Variants in FRMD4A observed in about 807,000 individuals in gnomAD.
FRMD4A encodes FERM domain-containing protein 4A.
In FRMD4A, 29 loss-of-function variants were observed where a neutral mutation model predicts 129.1. That is an observed-to-expected ratio of 0.22 (90% confidence interval 0.17 to 0.31). The LOEUF is 0.31. FRMD4A is among the 10% of genes least tolerant of loss of function. The pLI is 1.00. For missense variants in FRMD4A, 1,272 were observed against 1,375.8 expected, an observed-to-expected ratio of 0.92 and a Z score of 1.19; for synonymous variants, 634 against 571.6, an observed-to-expected ratio of 1.11 and a Z score of -1.56.
intron 2 of FRMD4A, among the ~76,000 whole-genome samples, chr10:13,924,096 A>C (rs138692995): frequency 6.6e-6 from 1 of 152,208 alleles, no homozygotes. Context: ...TAAGATCTTG[A>C]AGCTGTTATT....
chr10:14,256,848 A>G (rs1055068130), intron 2 of FRMD4A, among the ~76,000 whole-genome samples: 86 of 152,270 alleles, frequency 5.6e-4, no homozygotes, highest in African/African-American at 2.0e-3. Context: ...AAAATAAAAA[A>G]TAAATGTATA....
chr10:13,911,630 C>G (rs898252657), intron 2 of FRMD4A, among the ~76,000 whole-genome samples: 7 of 152,260 alleles, frequency 4.6e-5, no homozygotes, highest in African/African-American at 1.7e-4. Context: ...GGCACAATCT[C>G]AGCTCACTGC....
chr10:13,704,058 C>T (rs920219148), intron 13 of FRMD4A, among the ~76,000 whole-genome samples: 1 of 152,138 alleles, frequency 6.6e-6, no homozygotes, highest in African/African-American at 2.4e-5. Flanking sequence ...GGATACCCCA[C>T]GTACCCTGCC....
At chr10:14,180,633 C>T (rs189548877) in intron 2 of FRMD4A, among the ~76,000 whole-genome samples, 2 of 152,304 alleles carry the variant, frequency 1.3e-5, no homozygotes, top group South Asian at 2.1e-4. Context: ...CTGTGTGGCA[C>T]CAGGCATTGC....
At chr10:14,289,300 A>T (rs981166124) in intron 2 of FRMD4A, among the ~76,000 whole-genome samples, 1 of 152,028 alleles carries the variant, frequency 6.6e-6, no homozygotes, top group Non-Finnish European at 1.5e-5. Context: ...GGTTTTTTTT[A>T]AATAAAATAA....
chr10:14,317,710 G>A (rs1328074498), intron 2 of FRMD4A, among the ~76,000 whole-genome samples: 1 of 102,862 alleles, frequency 9.7e-6, no homozygotes, highest in Non-Finnish European at 2.1e-5. Flanking sequence ...GGGAAGAGGA[G>A]GGGAGAGGGA....
At chr10:14,070,334 G>T (rs1185898971) in intron 2 of FRMD4A, among the ~76,000 whole-genome samples, 1 of 152,192 alleles carries the variant, frequency 6.6e-6, no homozygotes, top group Non-Finnish European at 1.5e-5. Context: ...GTAATTTACA[G>T]CTCAGATAAG....
chr10:13,977,407 C>T (rs766080320), intron 2 of FRMD4A, among the ~76,000 whole-genome samples: 1 of 152,194 alleles, frequency 6.6e-6, no homozygotes, highest in Non-Finnish European at 1.5e-5. Flanking sequence ...AATCAAAATG[C>T]TGGGTAGCAG....
intron 2 of FRMD4A, among the ~76,000 whole-genome samples, chr10:14,144,055 A>G (rs1032055747): frequency 6.6e-6 from 1 of 152,208 alleles, no homozygotes; most frequent in Non-Finnish European, 1.5e-5. Context: ...TAAAATGCTC[A>G]AACCAAGGAG....
chr10:13,876,423 A>G (rs1353145385), intron 2 of FRMD4A, among the ~76,000 whole-genome samples: 2 of 152,134 alleles, frequency 1.3e-5, no homozygotes, highest in African/African-American at 4.8e-5. Flanking sequence ...GATGCTACCA[A>G]TTTTTCTCAT....
In FRMD4A at chr10:13,853,113, G is replaced by A. The variant is rs187366726; in HGVS notation, c.111+5734C>T. Among the ~76,000 whole-genome samples the A allele has an allele frequency of 4.8e-4, 73 of 152,244 alleles. 1 individual carries two copies. The highest frequency in any genetic ancestry group is 1.7e-3 in the African/African-American group (69 of 41,536). On this transcript the variant is annotated intron_variant, in intron 3 of 24. Transcript: ENST00000357447. ...GAGGGGAGAGATGTGGAAATCCTAGGGCAGCTTGGAACTTGGAAAGGAGAC... is the reference window on the plus strand; with the variant it reads ...GAGGGGAGAGATGTGGAAATCCTAGAGCAGCTTGGAACTTGGAAAGGAGAC...
At chr10:13,941,786 A>G (rs556709567) in intron 2 of FRMD4A, among the ~76,000 whole-genome samples, 2 of 152,284 alleles carry the variant, frequency 1.3e-5, no homozygotes, top group Admixed American at 1.3e-4. Flanking sequence ...CCCTGACATC[A>G]CTTTACATGG....
chr10:13,919,798 C>T (rs934399592), intron 2 of FRMD4A, among the ~76,000 whole-genome samples: 4 of 151,932 alleles, frequency 2.6e-5, no homozygotes, highest in African/African-American at 9.7e-5. Flanking sequence ...ATTAGCCAGG[C>T]GTGGTGGCAT....
chr10:13,766,130 T>C (rs1016994654), intron 6 of FRMD4A, among the ~76,000 whole-genome samples: 1 of 152,242 alleles, frequency 6.6e-6, no homozygotes, highest in African/African-American at 2.4e-5. Context: ...AGGTCTTTTA[T>C]TCTATTTTAC....
intron 8 of FRMD4A, among the ~76,000 whole-genome samples, chr10:13,755,723 C>A (rs765491643): frequency 3.3e-5 from 5 of 152,220 alleles, no homozygotes; most frequent in Non-Finnish European, 7.3e-5. Flanking sequence ...TAGTAACTTG[C>A]AGACTGACAC....
At chr10:14,070,198 C>T (rs961856909) in intron 2 of FRMD4A, among the ~76,000 whole-genome samples, 1 of 152,166 alleles carries the variant, frequency 6.6e-6, no homozygotes, top group Non-Finnish European at 1.5e-5. Context: ...TGGAAGCCTC[C>T]TCATTTGGGA....
At chr10:13,787,144 A>G (rs2092885223) in intron 5 of FRMD4A, among the ~76,000 whole-genome samples, 1 of 144,214 alleles carries the variant, frequency 6.9e-6, no homozygotes, top group South Asian at 2.4e-4. Flanking sequence ...AGATGAAGAG[A>G]AAAAAAATCA....
intron 2 of FRMD4A, among the ~76,000 whole-genome samples, chr10:13,876,523 C>T (rs942665888): frequency 3.3e-5 from 5 of 152,168 alleles, no homozygotes; most frequent in South Asian, 2.1e-4. Context: ...AGAGAATTCA[C>T]GTGCTCAGTA....
chr10:13,938,137 A>G (rs1588430204), intron 2 of FRMD4A, among the ~76,000 whole-genome samples: 1 of 152,248 alleles, frequency 6.6e-6, no homozygotes, highest in South Asian at 2.1e-4. Context: ...TTCAAATAAT[A>G]GAATAGCATT....
Sources: gnomAD v4.1 joint callset for allele counts (sites outside exome capture counted in the v4.1 genomes callset) on GRCh38, gnomAD v4.1.1 for gene constraint, MANE v1.5 for transcripts, NCBI Gene and HGNC (gene_info 2026-07-23, HGNC 2026-07-21) for gene names.